Variants in STXBP3 observed in about 807,000 individuals in gnomAD.
The protein encoded by STXBP3 is syntaxin binding protein 3, also known as syntaxin-binding protein 3.
Under a neutral mutation model 85.7 loss-of-function variants are expected in STXBP3, and 41 were observed. The observed-to-expected ratio is 0.48, with a 90% CI of 0.37 to 0.62. The LOEUF (loss-of-function observed/expected upper bound fraction) is 0.62, where lower values mean the gene tolerates loss of function less well. STXBP3 is among the 20% of genes least tolerant of loss of function. The pLI is 0.00. For missense variants in STXBP3, 563 were observed against 703.1 expected (o/e 0.80, Z 2.25); for synonymous variants, 229 against 231.7 (o/e 0.99, Z 0.10).
chr1:108,772,822 A>G lies in STXBP3; in HGVS notation c.593+3A>G, dbSNP rs2101117811. ...AATCCCGGAGTAAGATATAAAAGGT[A>G]AGACACTGAGCATCTGCACATGTTA... is the stretch of plus-strand genomic sequence containing the variant. On this transcript the variant is annotated splice_donor_region_variant and intron_variant, in intron 7 of 18. Transcript: ENST00000370008. 6.3e-7 allele frequency: 1 copy of G among 1,583,042 alleles called. No homozygotes were observed. The highest frequency in any genetic ancestry group is 8.6e-7 in the Non-Finnish European group (1 of 1,162,334).
At chr1:108,751,136 C>A (rs1362661307) in intron 1 of STXBP3, among the ~76,000 whole-genome samples, 2 of 152,150 alleles carry the variant, frequency 1.3e-5, no homozygotes, top group Non-Finnish European at 2.9e-5. Context: ...TCTTCTTTCC[C>A]AGAGGTCCTG....
chr1:108,777,134 G>C (rs1238542249), intron 8 of STXBP3, among the ~76,000 whole-genome samples: 1 of 152,134 alleles, frequency 6.6e-6, no homozygotes, highest in Admixed American at 6.6e-5. Flanking sequence ...TATTACAGTA[G>C]CTGGAGAATG....
chr1:108,803,737 C>T (rs1400797146), intron 17 of STXBP3, among the ~76,000 whole-genome samples: 2 of 152,180 alleles, frequency 1.3e-5, no homozygotes, highest in Admixed American at 6.5e-5. Context: ...CTACGCACCT[C>T]GGCCTCCCAA....
intron 16 of STXBP3, among the ~76,000 whole-genome samples, chr1:108,799,425 T>G (rs1663185209): frequency 6.6e-6 from 1 of 152,216 alleles, no homozygotes; most frequent in Admixed American, 6.5e-5. Flanking sequence ...TTGAACCCCT[T>G]AACAAAGATT....
chr1:108,791,979 T>C (rs1662983686), intron 11 of STXBP3, among the ~76,000 whole-genome samples: 1 of 152,220 alleles, frequency 6.6e-6, no homozygotes, highest in Non-Finnish European at 1.5e-5. Flanking sequence ...TTACTTTTTA[T>C]TGCTGAGTAG....
chr1:108,768,580 A>G (rs1662317556), intron 6 of STXBP3, among the ~76,000 whole-genome samples: 1 of 152,194 alleles, frequency 6.6e-6, no homozygotes, highest in Non-Finnish European at 1.5e-5. Context: ...TGAAGGAATG[A>G]AAGATAGGCT....
chr1:108,807,235 G>A (rs1663357639), intron 17 of STXBP3, among the ~76,000 whole-genome samples, 166 bp from the exon 18 acceptor site: 1 of 140,186 alleles, frequency 7.1e-6, no homozygotes, highest in African/African-American at 2.7e-5. Flanking sequence ...TCCAGCCTGG[G>A]CTACAAAGTG....
intron 10 of STXBP3, 52 bp from the exon 11 acceptor site, chr1:108,782,597 C>G (rs1196650824): frequency 1.3e-6 from 2 of 1,596,834 alleles, no homozygotes; most frequent in Non-Finnish European, 1.7e-6. Context: ...TAAAATAGTT[C>G]TGTAAAGAAT....
intron 1 of STXBP3, among the ~76,000 whole-genome samples, chr1:108,749,440 G>A (rs61797293): frequency 0.045 from 6,805 of 152,260 alleles, 211 homozygotes; most frequent in Admixed American, 0.069. Context: ...TATGGTCTCT[G>A]AGAAGACCAG....
At chr1:108,756,318 C>A (rs1662016706) in intron 3 of STXBP3, among the ~76,000 whole-genome samples, 1 of 152,134 alleles carries the variant, frequency 6.6e-6, no homozygotes, top group Admixed American at 6.6e-5. Context: ...GCCTGTTCCA[C>A]TTCCTAACTG....
At chr1:108,748,292 G>C (rs1661834832) in intron 1 of STXBP3, among the ~76,000 whole-genome samples, 2 of 152,144 alleles carry the variant, frequency 1.3e-5, no homozygotes, top group Non-Finnish European at 2.9e-5. Context: ...CCAACACTTT[G>C]GGAGGCCGGG....
rs1025985516 is a variant in STXBP3 at position 108,746,674 on chromosome 1, G to C, written c.-64G>C. On this transcript the variant is annotated 5_prime_UTR_variant, in exon 1 of 19. Coordinates refer to ENST00000370008, the MANE Select transcript of STXBP3 (RefSeq NM_007269.4). Reference sequence around the variant, plus strand: ...CAAGGGGCGGGGCCACCCCAACGCCGCTTCTGCGGCCAAAGTAGGTTGGGA... The same window carrying C: ...CAAGGGGCGGGGCCACCCCAACGCCCCTTCTGCGGCCAAAGTAGGTTGGGA... 66 of 1,541,970 alleles carry C rather than the reference G, an allele frequency of 4.3e-5. No homozygotes were observed. The highest frequency in any genetic ancestry group is 5.0e-5 in the Non-Finnish European group (57 of 1,139,996).
intron 12 of STXBP3, among the ~76,000 whole-genome samples, chr1:108,793,982 T>C (rs1663032564): frequency 6.6e-6 from 1 of 152,204 alleles, no homozygotes; most frequent in Non-Finnish European, 1.5e-5. Context: ...TAATAGTTAC[T>C]TACTAGTAGA....
intron 3 of STXBP3, among the ~76,000 whole-genome samples, chr1:108,753,624 A>G (rs1041176545): frequency 1.3e-5 from 2 of 152,168 alleles, no homozygotes; most frequent in African/African-American, 2.4e-5. Flanking sequence ...CAGTTTTAGT[A>G]TGAAAATTTG....
intron 11 of STXBP3, among the ~76,000 whole-genome samples, chr1:108,786,074 A>G (rs1473606867): frequency 2.6e-5 from 4 of 152,028 alleles, no homozygotes; most frequent in African/African-American, 9.7e-5. Context: ...GTAGCACCCC[A>G]CTCCTGGTAC....
intron 17 of STXBP3, among the ~76,000 whole-genome samples, chr1:108,806,268 A>G (rs936320975): frequency 6.6e-5 from 10 of 152,290 alleles, no homozygotes; most frequent in African/African-American, 2.4e-4. Context: ...GACAGCCACT[A>G]GCTACATGTG....
intron 16 of STXBP3, 80 bp from the exon 17 acceptor site, chr1:108,800,140 A>T (rs1273444634): frequency 3.2e-6 from 3 of 948,784 alleles, no homozygotes; most frequent in Non-Finnish European, 5.1e-6. Context: ...TCAATTGCAA[A>T]TGCAAGTTTT....
At chr1:108,796,981 A>G (rs1291309659) in intron 15 of STXBP3, among the ~76,000 whole-genome samples, 1 of 152,158 alleles carries the variant, frequency 6.6e-6, no homozygotes, top group Non-Finnish European at 1.5e-5. Flanking sequence ...ATTTATAACA[A>G]TTGTCATATT....
At chr1:108,760,582 T>G (rs1255470205) in intron 6 of STXBP3, among the ~76,000 whole-genome samples, 3 of 152,174 alleles carry the variant, frequency 2.0e-5, no homozygotes, top group African/African-American at 7.2e-5. Context: ...CATATAATAC[T>G]CCCTATGTGT....
Sources: gnomAD v4.1 joint callset for allele counts (sites outside exome capture counted in the v4.1 genomes callset) on GRCh38, gnomAD v4.1.1 for gene constraint, MANE v1.5 for transcripts, NCBI Gene and HGNC (gene_info 2026-07-23, HGNC 2026-07-21) for gene names.